Variants in ASAP1 observed in about 807,000 individuals in gnomAD.
The protein encoded by ASAP1 is arf-GAP with SH3 domain, ANK repeat and PH domain-containing protein 1.
ASAP1 carries 43 observed loss-of-function variants against 145.2 expected under a neutral mutation model. The observed-to-expected ratio is 0.30, with a 90% CI of 0.23 to 0.38. ASAP1 has a LOEUF of 0.38. ASAP1 is among the 10% of genes least tolerant of loss of function. ASAP1 has a pLI of 1.00. For synonymous variants in ASAP1, 546 were observed against 515.5 expected, an observed-to-expected ratio of 1.06 and a Z score of -0.80; for missense variants, 1,018 against 1,355.3, an observed-to-expected ratio of 0.75 and a Z score of 3.91.
intron 3 of ASAP1, among the ~76,000 whole-genome samples, chr8:130,246,255 A>G (rs1265753846): frequency 6.6e-6 from 1 of 152,104 alleles, no homozygotes; most frequent in East Asian, 1.9e-4. Context: ...TGGGCCTCCT[A>G]TCATATCAAC....
intron 5 of ASAP1, among the ~76,000 whole-genome samples, chr8:130,210,564 A>T (rs1816516647): frequency 6.6e-6 from 1 of 152,176 alleles, no homozygotes; most frequent in Non-Finnish European, 1.5e-5. Context: ...GACAAAAACA[A>T]CCAAGAAAGT....
At chr8:130,436,610 C>T (rs1404964010) in intron 1 of ASAP1, among the ~76,000 whole-genome samples, 1 of 152,180 alleles carries the variant, frequency 6.6e-6, no homozygotes, top group Non-Finnish European at 1.5e-5. Flanking sequence ...TGCACCTGGC[C>T]ATTGAAGCCA....
intron 1 of ASAP1, among the ~76,000 whole-genome samples, chr8:130,426,218 T>C (rs1167694809): frequency 1.3e-5 from 2 of 152,166 alleles, no homozygotes; most frequent in Non-Finnish European, 2.9e-5. Flanking sequence ...CTCTTTCTCC[T>C]GCTCCGCCAT....
chr8:130,064,724 C>T (rs2135110697), intron 27 of ASAP1, among the ~76,000 whole-genome samples: 1 of 152,178 alleles, frequency 6.6e-6, no homozygotes, highest in East Asian at 1.9e-4. Context: ...AGGCTCAGTC[C>T]CCCAGAATGT....
intron 4 of ASAP1, among the ~76,000 whole-genome samples, chr8:130,217,739 C>A (rs1817025974): frequency 6.6e-6 from 1 of 152,044 alleles, no homozygotes; most frequent in Non-Finnish European, 1.5e-5. Context: ...AAGAAGCATC[C>A]CTTTCTGAAA....
chr8:130,069,907 T>A (rs1420699748), intron 27 of ASAP1, among the ~76,000 whole-genome samples: 1 of 152,202 alleles, frequency 6.6e-6, no homozygotes, highest in Non-Finnish European at 1.5e-5. Flanking sequence ...GACCCAAAGC[T>A]TTTTGCGCAA....
chr8:130,434,402 G>A (rs754514785), intron 1 of ASAP1, among the ~76,000 whole-genome samples: 11 of 152,130 alleles, frequency 7.2e-5, no homozygotes, highest in African/African-American at 2.4e-4. Context: ...TAGGCTCTGC[G>A]TATTTCAGGT....
At chr8:130,337,737 T>C (rs1825123654) in intron 3 of ASAP1, among the ~76,000 whole-genome samples, 1 of 152,158 alleles carries the variant, frequency 6.6e-6, no homozygotes, top group Admixed American at 6.5e-5. Context: ...TTATAAGTCT[T>C]TTACTTTCCT....
At chr8:130,117,544 TTCC>T (rs2097558338) in intron 20 of ASAP1, among the ~76,000 whole-genome samples, 1 of 152,212 alleles carries the variant, frequency 6.6e-6, no homozygotes, top group South Asian at 2.1e-4. Flanking sequence ...TGAGCTCTAG[TTCC>T]TCCTCATCAT....
chr8:130,311,270 C>T (rs1030386), intron 3 of ASAP1, among the ~76,000 whole-genome samples: 15,012 of 152,172 alleles, frequency 0.099, 881 homozygotes, highest in African/African-American at 0.15. Flanking sequence ...AAGTTTTCCC[C>T]AATGGCCATA....
At position 130,334,782 on chromosome 8, in the gene ASAP1, T is replaced by C. The variant is rs376571389; in HGVS notation, c.186+23235A>G. 2.0e-5 allele frequency among the ~76,000 whole-genome samples: 3 copies of C among 152,216 alleles called. No individual in the cohort carries two copies. In the East Asian group the frequency reaches 5.8e-4, roughly 29 times the overall value. The stretch of plus-strand genomic sequence containing the variant: ...TCAACAAAAATCTCTTTTCAGACTC[T>C]GGAAAAACTGGGCATCTCTCTCAAA... On this transcript the variant is annotated intron_variant, in intron 3 of 29. Transcript: ENST00000518721.
chr8:130,098,394 A>G (rs2097522785), intron 24 of ASAP1, among the ~76,000 whole-genome samples: 1 of 152,168 alleles, frequency 6.6e-6, no homozygotes, highest in African/African-American at 2.4e-5. Context: ...CCCAGGCTGG[A>G]GTGCAGTGGC....
At chr8:130,259,724 G>T (rs545832347) in intron 3 of ASAP1, among the ~76,000 whole-genome samples, 1 of 152,330 alleles carries the variant, frequency 6.6e-6, no homozygotes, top group East Asian at 1.9e-4. Flanking sequence ...ATAATGGACA[G>T]GAAGGGGCGA....
At chr8:130,400,304 C>T (rs1013717436) in intron 2 of ASAP1, among the ~76,000 whole-genome samples, 4 of 152,254 alleles carry the variant, frequency 2.6e-5, no homozygotes, top group East Asian at 1.9e-4. Context: ...CAAGTTTTCC[C>T]GGCCTAGCTT....
intron 5 of ASAP1, among the ~76,000 whole-genome samples, chr8:130,188,480 T>A: frequency 6.6e-6 from 1 of 152,124 alleles, no homozygotes; most frequent in Non-Finnish European, 1.5e-5. Flanking sequence ...ACGCCTGTAA[T>A]CCCAGCACTT....
In ASAP1 at chr8:130,134,310, C is replaced by G. The variant is rs778667413; in HGVS notation, c.1203G>C (p.Glu401Asp). The change falls in exon 15 of 30, where the codon GAG becomes GAC. Residue 401 changes from glutamate to aspartate, a missense_variant. This residue lies in a region of ASAP1 where 153 missense variants were observed against 221.6 expected (regional missense o/e 0.69). Coordinates refer to ENST00000518721, the MANE Select transcript of ASAP1 (RefSeq NM_018482.4). ...AAACTACTTACGCTACATAATCCTG[C>G]TCATCTTCTGCCTGAAAGTGATATG... The part of the protein sequence containing the change: ...NRTYHFQAED[E>D]QDYVAWISVL... The G allele has an allele frequency of 1.3e-6, 2 of 1,586,982 alleles. No individual in the cohort carries two copies. Among genetic ancestry groups the G allele is most frequent in the East Asian group, 4.5e-5 (2 of 44,114 alleles).
chr8:130,154,351 G>A (rs1343452596), intron 12 of ASAP1, among the ~76,000 whole-genome samples: 1 of 152,188 alleles, frequency 6.6e-6, no homozygotes, highest in Non-Finnish European at 1.5e-5. Context: ...CAAAGAGAAC[G>A]AATTAAAACT....
At chr8:130,407,251 C>T (rs1010124436) in intron 1 of ASAP1, among the ~76,000 whole-genome samples, 4 of 152,180 alleles carry the variant, frequency 2.6e-5, no homozygotes, top group Non-Finnish European at 5.9e-5. Context: ...GGCTCAATCC[C>T]ACTAAGGGAC....
chr8:130,212,987 T>C (rs1043575206), intron 5 of ASAP1, among the ~76,000 whole-genome samples: 2 of 152,210 alleles, frequency 1.3e-5, no homozygotes, highest in Admixed American at 6.5e-5. Flanking sequence ...TTACCAGCTA[T>C]TACCAAAGTG....
Sources: allele counts gnomAD v4.1 joint callset (sites outside exome capture counted in the v4.1 genomes callset), GRCh38; gene constraint gnomAD v4.1.1; regional missense constraint gnomAD v4.1.1; transcripts MANE v1.5; gene names NCBI Gene and HGNC (gene_info 2026-07-23, HGNC 2026-07-21).